The following KSR2 variants were observed in gnomAD, a reference collection of about 807,000 sequenced individuals.
KSR2 encodes kinase suppressor of ras 2.
Under a neutral mutation model 107.8 loss-of-function variants are expected in KSR2, and 25 were observed. That is an observed-to-expected ratio of 0.23 (90% CI 0.17 to 0.32). KSR2 has a LOEUF of 0.32. KSR2 is among the 10% of genes least tolerant of loss of function. The pLI, the probability that KSR2 is intolerant of heterozygous loss-of-function variation, is 1.00. For synonymous variants in KSR2, 480 were observed against 507.0 expected, an observed-to-expected ratio of 0.95 and a Z score of 0.71; for missense variants, 887 against 1,268.9, an observed-to-expected ratio of 0.70 and a Z score of 4.57.
intron 5 of KSR2, among the ~76,000 whole-genome samples, chr12:117,596,198 A>C (rs1880635493): frequency 1.3e-5 from 2 of 152,318 alleles, no homozygotes; most frequent in South Asian, 4.2e-4. Context: ...GGAAGGCGAA[A>C]GGCACGTCTT....
rs55772468 is a variant in KSR2 at position 117,686,215 on chromosome 12, ATT to A, written c.987-18559_987-18558del. ...AGGCACACACCACCACACCCAGCTAATTTTTTTTTTTTTTTTTTTTTTTTTTT... is the reference window on the plus strand; with the variant it reads ...AGGCACACACCACCACACCCAGCTAATTTTTTTTTTTTTTTTTTTTTTTTT... On this transcript the variant is annotated intron_variant, in intron 4 of 19. Transcript: ENST00000339824. Among the ~76,000 whole-genome samples, 393 of 77,990 alleles carry A rather than the reference ATT, an allele frequency of 5.0e-3. 5 individuals are homozygous for A. Among genetic ancestry groups the A allele is most frequent in the African/African-American group, 0.02 (297 of 14,664 alleles). The allele number at this position is 77,990 out of a possible 152,430, so 51.2% of individuals were successfully genotyped here.
intron 4 of KSR2, among the ~76,000 whole-genome samples, chr12:117,737,782 C>CAAAAAA: frequency 1.2e-5 from 1 of 84,040 alleles, no homozygotes. Context: ...AATCCTGTCT[C>CAAAAAA]AAAAAAAAAA....
intron 1 of KSR2, among the ~76,000 whole-genome samples, chr12:117,920,730 T>C (rs1489852097): frequency 6.6e-6 from 1 of 152,114 alleles, no homozygotes; most frequent in Non-Finnish European, 1.5e-5. Context: ...CTAAGTAAAC[T>C]CAGTGCCTAG....
intron 4 of KSR2, among the ~76,000 whole-genome samples, chr12:117,724,312 C>CAAAAAAAAA (rs57095721): frequency 1.8e-5 from 2 of 111,936 alleles, no homozygotes; most frequent in African/African-American, 3.4e-5. Flanking sequence ...CACCCTGTCT[C>CAAAAAAAAA]AAAAAAAAAA....
intron 1 of KSR2, among the ~76,000 whole-genome samples, chr12:117,906,768 G>A (rs1467345752): frequency 2.6e-5 from 4 of 152,198 alleles, no homozygotes; most frequent in African/African-American, 7.2e-5. Flanking sequence ...ATCACTGGCC[G>A]GGCATGGTGG....
chr12:117,793,784 CCAA>C (rs1455118733), intron 3 of KSR2, among the ~76,000 whole-genome samples: 2,499 of 142,710 alleles, frequency 0.018, 95 homozygotes, highest in African/African-American at 0.062. Flanking sequence ...CATGCACACA[CCAA>C]CATGCACACA....
intron 3 of KSR2, among the ~76,000 whole-genome samples, chr12:117,767,249 TAAAAATCCAAA>T (rs1889268091): frequency 2.4e-5 from 2 of 83,082 alleles, no homozygotes; most frequent in Non-Finnish European, 2.2e-5. Flanking sequence ...CCGTCTCTAC[TAAAAATCCAAA>T]AAAAAAAAAA....
chr12:117,553,974 C>T (rs548742789), intron 9 of KSR2, among the ~76,000 whole-genome samples: 34 of 152,264 alleles, frequency 2.2e-4, no homozygotes, highest in South Asian at 1.7e-3. Flanking sequence ...ATGCTGGTGT[C>T]AGGCTTCTTG....
At chr12:117,872,971 G>T (rs772350858) in intron 1 of KSR2, among the ~76,000 whole-genome samples, 1 of 152,128 alleles carries the variant, frequency 6.6e-6, no homozygotes, top group Non-Finnish European at 1.5e-5. Flanking sequence ...AAATCACAAG[G>T]CCACGTGGCA....
chr12:117,743,073 C>T (rs1218193942), intron 4 of KSR2, among the ~76,000 whole-genome samples: 1 of 152,222 alleles, frequency 6.6e-6, no homozygotes, highest in African/African-American at 2.4e-5. Flanking sequence ...CATGCCCTGG[C>T]AAGAGCATCC....
chr12:117,966,616 C>T (rs1282052621), intron 1 of KSR2, among the ~76,000 whole-genome samples: 1 of 132,210 alleles, frequency 7.6e-6, no homozygotes, highest in Admixed American at 7.6e-5. Flanking sequence ...CTCTCTCACA[C>T]GCGCACGCAC....
chr12:117,608,403 G>T (rs1374028729), intron 5 of KSR2, among the ~76,000 whole-genome samples: 1 of 152,184 alleles, frequency 6.6e-6, no homozygotes, highest in Non-Finnish European at 1.5e-5. Context: ...CAGACTTTGG[G>T]TTAATAAGGC....
chr12:117,524,435 G>A (rs183653410), intron 14 of KSR2, among the ~76,000 whole-genome samples: 1 of 152,286 alleles, frequency 6.6e-6, no homozygotes, highest in East Asian at 1.9e-4. Context: ...GGAGGTCAAG[G>A]CAGGAGGATT....
chr12:117,738,665 A>T (rs1448760304), intron 4 of KSR2, among the ~76,000 whole-genome samples: 3 of 151,956 alleles, frequency 2.0e-5, no homozygotes, highest in Admixed American at 1.3e-4. Flanking sequence ...ACTTGAGGTC[A>T]GGAGTTCGAG....
intron 5 of KSR2, among the ~76,000 whole-genome samples, chr12:117,651,462 T>G (rs1883903438): frequency 6.6e-6 from 1 of 152,124 alleles, no homozygotes; most frequent in Non-Finnish European, 1.5e-5. Flanking sequence ...GGCATGGGAA[T>G]GGATATTAAG....
At chr12:117,762,494 G>A (rs1889073018) in intron 3 of KSR2, among the ~76,000 whole-genome samples, 1 of 152,220 alleles carries the variant, frequency 6.6e-6, no homozygotes, top group South Asian at 2.1e-4. Context: ...AGCCATGATA[G>A]ACAAGAAAAC....
Position 117,914,257 on chromosome 12 carries a change from C to G in KSR2, c.180+53819G>C, listed in dbSNP as rs1367293856. 3.9e-5 allele frequency among the ~76,000 whole-genome samples: 6 copies of G among 152,054 alleles called. No homozygotes were observed. In the East Asian group the frequency reaches 9.7e-4, roughly 25 times the overall value. ...CAGCCTGGTCAACATGGTGAAACCC[C>G]ACCTCTACTAAAAATACAAAAATTA... On this transcript the variant is annotated intron_variant, in intron 1 of 19. Transcript: ENST00000339824.
intron 3 of KSR2, among the ~76,000 whole-genome samples, chr12:117,783,198 C>A (rs549356069): frequency 6.6e-6 from 1 of 152,236 alleles, no homozygotes; most frequent in South Asian, 2.1e-4. Context: ...ACCCTTACAA[C>A]GGCACTACAA....
intron 5 of KSR2, among the ~76,000 whole-genome samples, chr12:117,616,408 T>A (rs1406174447): frequency 1.3e-5 from 2 of 152,168 alleles, no homozygotes; most frequent in African/African-American, 4.8e-5. Flanking sequence ...ACTAAATAAC[T>A]TCAGAAGGCT....
Sources: allele counts gnomAD v4.1 joint callset (sites outside exome capture counted in the v4.1 genomes callset), GRCh38; gene constraint gnomAD v4.1.1; transcripts MANE v1.5; gene names NCBI Gene and HGNC (gene_info 2026-07-23, HGNC 2026-07-21).